GSE1: variants seen among roughly 807,000 people sequenced by gnomAD.
The protein encoded by GSE1 is genetic suppressor element 1.
A neutral mutation model predicts 112.6 loss-of-function variants in GSE1; 32 were observed. That is an observed-to-expected ratio of 0.28 (90% CI 0.21 to 0.38). The LOEUF is 0.38. GSE1 is among the 10% of genes least tolerant of loss of function. The probability of loss-of-function intolerance (pLI) is 1.00; values close to 1 mark genes in which losing one functional copy is unlikely to be tolerated. For synonymous variants in GSE1, 1,115 were observed against 735.6 expected (o/e 1.52, Z -8.35); for missense variants, 2,348 against 1,699.2 (o/e 1.38, Z -6.71).
At chr16:85,178,613 C>A (rs952986861) in intron 1 of GSE1, among the ~76,000 whole-genome samples, 5 of 151,968 alleles carry the variant, frequency 3.3e-5, no homozygotes, top group Admixed American at 2.6e-4. Context: ...GCTGAGGAGT[C>A]TGGGATTTAT....
At position 85,663,606 on chromosome 16, in the gene GSE1, A is replaced by G. The variant is rs1372455403; in HGVS notation, c.2636A>G (p.Lys879Arg). 1.9e-6 allele frequency: 3 copies of G among 1,611,752 alleles called. No homozygotes were observed. The highest frequency in any genetic ancestry group is 2.2e-5 in the East Asian group (1 of 44,848). ...IFNLTHISAE[K>R]RKDKERLVEM... ...AACCTGACCCACATCAGCGCTGAGA[A>G]GAGGAAAGGTAGGGCCTCGCCTGGG... is the stretch of plus-strand genomic sequence containing the variant. The change falls in exon 11 of 16, where the codon AAG (lysine) becomes AGG (arginine). Residue 879 changes from lysine (K) to arginine (R), a missense_variant. Lys to Arg is a conservative substitution (Grantham distance 26). Transcript: ENST00000253458.
chr16:85,344,175 G>T (rs1170319211), intron 1 of GSE1, among the ~76,000 whole-genome samples: 2 of 152,206 alleles, frequency 1.3e-5, no homozygotes, highest in Non-Finnish European at 2.9e-5. Context: ...ACATGGGGTG[G>T]GATGCGGCCA....
At chr16:85,634,426 G>C (rs2049815732) in intron 2 of GSE1, among the ~76,000 whole-genome samples, 1 of 152,242 alleles carries the variant, frequency 6.6e-6, no homozygotes, top group Admixed American at 6.5e-5. Flanking sequence ...TCTGTGACTT[G>C]ATTGGGAGGA....
chr16:85,266,862 G>C (rs1479990920), intron 1 of GSE1, among the ~76,000 whole-genome samples: 2 of 152,166 alleles, frequency 1.3e-5, no homozygotes, highest in Non-Finnish European at 2.9e-5. Context: ...CCAGCTGGTG[G>C]GGAGTGGAAA....
At chr16:85,273,111 A>G (rs1406827984) in intron 1 of GSE1, among the ~76,000 whole-genome samples, 1 of 152,154 alleles carries the variant, frequency 6.6e-6, no homozygotes, top group Non-Finnish European at 1.5e-5. Flanking sequence ...GAAGAATTGA[A>G]GCCGTGACTG....
intron 2 of GSE1, among the ~76,000 whole-genome samples, chr16:85,543,134 C>T (rs2044579944): frequency 1.3e-5 from 2 of 151,698 alleles, no homozygotes; most frequent in Non-Finnish European, 2.9e-5. Context: ...ATTGCTTGAT[C>T]CCAGAAGGCA....
chr16:85,614,941 G>T (rs1300938116), intron 1 of GSE1, among the ~76,000 whole-genome samples: 1 of 152,214 alleles, frequency 6.6e-6, no homozygotes. Context: ...CAGGCGGCGG[G>T]GGACAAAGGG....
chr16:85,364,920 A>G (rs943660682), intron 2 of GSE1, among the ~76,000 whole-genome samples: 1 of 152,192 alleles, frequency 6.6e-6, no homozygotes, highest in South Asian at 2.1e-4. Context: ...CTGCCCAGGC[A>G]CTTCCCACTT....
At chr16:85,541,772 T>C (rs2044527205) in intron 2 of GSE1, among the ~76,000 whole-genome samples, 3 of 152,168 alleles carry the variant, frequency 2.0e-5, no homozygotes, top group African/African-American at 7.2e-5. Context: ...CACAGAACAT[T>C]CCACATGCGT....
Position 85,338,526 on chromosome 16 carries a change from G to T in GSE1, c.2284-18937G>T, listed in dbSNP as rs1005344476. ...TGTCATAGGCATGTTTGGAGGATCA[G>T]GCAAGTAAGATTTGCAAAGTGCTTG... On this transcript the variant is annotated intron_variant, in intron 1 of 2. Coordinates refer to the GSE1 transcript ENST00000637419. Among the ~76,000 whole-genome samples the T allele has an allele frequency of 3.9e-5, 6 of 152,312 alleles. No homozygotes were observed. In the South Asian group the frequency reaches 1.2e-3, roughly 32 times the overall value.
exon 1 of GSE1, chr16:85,556,261 C>T (rs1343556826): frequency 4.1e-6 from 4 of 983,802 alleles, no homozygotes; most frequent in East Asian, 2.3e-4. Context: ...TTTGTTCATT[C>T]CTGGGTTTTA....
chr16:85,340,724 T>C (rs2046607345), intron 1 of GSE1, among the ~76,000 whole-genome samples: 1 of 152,094 alleles, frequency 6.6e-6, no homozygotes, highest in South Asian at 2.1e-4. Flanking sequence ...GTTCCTAGCT[T>C]GGGTTTAAGA....
At chr16:85,608,101 C>G (rs1020427856), upstream of GSE1, among the ~76,000 whole-genome samples, 1 of 152,114 alleles carries the variant, frequency 6.6e-6, no homozygotes, top group Non-Finnish European at 1.5e-5. Flanking sequence ...AGCCTTCTTG[C>G]AAGAGATAAG....
At chr16:85,453,266 G>T (rs573766995) in intron 2 of GSE1, among the ~76,000 whole-genome samples, 219 of 152,250 alleles carry the variant, frequency 1.4e-3, no homozygotes, top group South Asian at 8.1e-3. Context: ...GTGGCTCGGG[G>T]ACCCTGAGCA....
intron 3 of GSE1, 47 bp from the exon 4 acceptor site, chr16:85,654,231 T>TG: frequency 6.5e-7 from 1 of 1,539,276 alleles, no homozygotes. Flanking sequence ...CTGTGGTCAG[T>TG]GGCCTATACC....
chr16:85,489,324 A>T (rs1163762334), intron 2 of GSE1, among the ~76,000 whole-genome samples: 1 of 151,822 alleles, frequency 6.6e-6, no homozygotes, highest in African/African-American at 2.4e-5. Flanking sequence ...CGTCCCTGCC[A>T]CCAAGATGCA....
chr16:85,614,814 G>A (rs2048267314), intron 1 of GSE1, among the ~76,000 whole-genome samples: 2 of 152,324 alleles, frequency 1.3e-5, no homozygotes, highest in South Asian at 4.1e-4. Context: ...CACAGGTTGG[G>A]GTTTGGAAAC....
intron 1 of GSE1, among the ~76,000 whole-genome samples, chr16:85,235,973 CGGGCCTGGGCCT>C (rs561194948): frequency 6.6e-5 from 10 of 151,330 alleles, no homozygotes; most frequent in African/African-American, 1.5e-4. Context: ...CCTCCGGCGC[CGGGCCTGGGCCT>C]GGGCCTGGGC....
At chr16:85,306,017 G>C (rs2045667620) in intron 1 of GSE1, among the ~76,000 whole-genome samples, 1 of 152,148 alleles carries the variant, frequency 6.6e-6, no homozygotes, top group South Asian at 2.1e-4. Flanking sequence ...CTTGAGCCTG[G>C]GAGGTGGAGG....
Sources: allele counts gnomAD v4.1 joint callset (sites outside exome capture counted in the v4.1 genomes callset), GRCh38; gene constraint gnomAD v4.1.1; transcripts MANE v1.5; gene names NCBI Gene and HGNC (gene_info 2026-07-23, HGNC 2026-07-21).